The following ADARB2 variants were observed in gnomAD, a reference collection of about 807,000 sequenced individuals.
ADARB2 encodes the protein adenosine deaminase RNA specific B2 (inactive).
Under a neutral mutation model 62.2 loss-of-function variants are expected in ADARB2, and 25 were observed. The observed-to-expected ratio is 0.40, with a 90% CI of 0.29 to 0.56. The LOEUF is 0.56. Among genes scored for constraint, ADARB2 ranks in the 20% least tolerant of loss-of-function variants. ADARB2 has a pLI of 0.43. For synonymous variants in ADARB2, 572 were observed against 500.8 expected, an observed-to-expected ratio of 1.14 and a Z score of -1.90; for missense variants, 1,071 against 1,077.4, an observed-to-expected ratio of 0.99 and a Z score of 0.08.
chr10:1,568,800 C>CTCTATCTCTA (rs1832893730), intron 1 of ADARB2, among the ~76,000 whole-genome samples: 1 of 148,454 alleles, frequency 6.7e-6, no homozygotes, highest in African/African-American at 2.5e-5. Flanking sequence ...ATGTCTCTAT[C>CTCTATCTCTA]TCTATCTATC....
chr10:1,378,420 AG>A (rs1194444643), intron 2 of ADARB2, among the ~76,000 whole-genome samples: 1 of 152,232 alleles, frequency 6.6e-6, no homozygotes, highest in East Asian at 1.9e-4. Flanking sequence ...CAAAGGAAGG[AG>A]AGGAGAGAAT....
chr10:1,491,369 T>C (rs4880857), intron 1 of ADARB2, among the ~76,000 whole-genome samples: 103,967 of 152,156 alleles, frequency 0.68, 35,875 homozygotes, highest in Admixed American at 0.73. Context: ...CGTGCCTGGC[T>C]TATTATTTCT....
intron 1 of ADARB2, among the ~76,000 whole-genome samples, chr10:1,586,718 C>A: frequency 6.6e-6 from 1 of 152,220 alleles, no homozygotes; most frequent in Non-Finnish European, 1.5e-5. Context: ...GGATTCTCTG[C>A]GATTATTTAA....
At chr10:1,672,188 T>C (rs1379650023) in intron 1 of ADARB2, among the ~76,000 whole-genome samples, 2 of 152,080 alleles carry the variant, frequency 1.3e-5, no homozygotes, top group African/African-American at 4.8e-5. Flanking sequence ...TTCCTCTCTC[T>C]CTGTCTCCAC....
chr10:1,228,069 AT>A (rs1455029716), intron 6 of ADARB2, among the ~76,000 whole-genome samples: 3 of 152,228 alleles, frequency 2.0e-5, no homozygotes, highest in Non-Finnish European at 4.4e-5. Flanking sequence ...AAGGAACTGT[AT>A]TTTATATTCC....
At chr10:1,443,846 A>G (rs975636766) in intron 1 of ADARB2, among the ~76,000 whole-genome samples, 1 of 152,226 alleles carries the variant, frequency 6.6e-6, no homozygotes, top group Non-Finnish European at 1.5e-5. Context: ...GGAGAGTATT[A>G]GAAAAAAAGG....
chr10:1,580,127 T>C (rs778269361), intron 1 of ADARB2, among the ~76,000 whole-genome samples: 7 of 152,206 alleles, frequency 4.6e-5, no homozygotes, highest in Non-Finnish European at 1.0e-4. Context: ...AAAACCTTTA[T>C]CATGGTTTCA....
Position 1,318,988 on chromosome 10 carries a change from C to A in ADARB2, c.1077+44040G>T, listed in dbSNP as rs146343909. Among the ~76,000 whole-genome samples the A allele has an allele frequency of 1.5e-4, 23 of 152,294 alleles. No individual in the cohort carries two copies. In the East Asian group the frequency reaches 2.5e-3, roughly 17 times the overall value. On this transcript the variant is annotated intron_variant, in intron 3 of 9. Coordinates refer to ENST00000381312, the MANE Select transcript of ADARB2 (RefSeq NM_018702.4). ...AATTTCTGTCGTCTGCTTATAACTC[C>A]ATCCAAAATCCTGGCTGGAGATGAT...
chr10:1,596,746 G>A (rs890069093), intron 1 of ADARB2, among the ~76,000 whole-genome samples: 5 of 152,222 alleles, frequency 3.3e-5, no homozygotes, highest in African/African-American at 1.2e-4. Context: ...AAGCACCTCC[G>A]GGAAGGCCTG....
Position 1,242,176 on chromosome 10 carries a change from C to G in ADARB2, c.1316G>C (p.Arg439Pro). The G allele has an allele frequency of 6.2e-7, 1 of 1,610,732 alleles. No individual in the cohort carries two copies. The highest frequency in any genetic ancestry group is 8.5e-7 in the Non-Finnish European group (1 of 1,179,586). ...CGTGTAGAGGAAGTGCAGGAACGCC[C>G]GCCGGGCCACGACCTCCGCGTGGCA... The part of the protein sequence containing the change: ...NDCHAEVVAR[R>P]AFLHFLYTQL... The change falls in exon 5 of 10, where the codon CGG (arginine) becomes CCG (proline). Residue 439 changes from arginine to proline, a missense_variant. By Grantham distance (103) the Arg-to-Pro change is moderately radical. Coordinates refer to ENST00000381312, the MANE Select transcript of ADARB2 (RefSeq NM_018702.4).
At chr10:1,698,146 G>A (rs764494147) in intron 1 of ADARB2, among the ~76,000 whole-genome samples, 2 of 152,134 alleles carry the variant, frequency 1.3e-5, no homozygotes, top group Non-Finnish European at 1.5e-5. Context: ...CCTGTCCCAC[G>A]TACCAACATG....
At position 1,178,405 on chromosome 10, in the gene ADARB2, T is replaced by C. The variant is rs1361870720; in HGVS notation, c.*4788A>G. 1 of 148,324 alleles carries C rather than the reference T, an allele frequency of 6.7e-6. No homozygotes were observed. Among genetic ancestry groups the C allele is most frequent in the Non-Finnish European group, 1.5e-5 (1 of 68,094 alleles). The allele number at this position is 148,324 out of a possible 1,614,324, so 9.2% of individuals were successfully genotyped here. A position where few individuals can be genotyped will look rare whatever the true frequency, so the allele number is the denominator to read the frequency against. On this transcript the variant is annotated 3_prime_UTR_variant, in exon 10 of 10. Coordinates refer to ENST00000381312, the MANE Select transcript of ADARB2 (RefSeq NM_018702.4). Reference sequence around the variant, plus strand: ...CCACCGCATCTCTGGTTGGTCCCTGTGGCCTCTGCTCCTGCCTCCTCACTT... The same window carrying C: ...CCACCGCATCTCTGGTTGGTCCCTGCGGCCTCTGCTCCTGCCTCCTCACTT...
At chr10:1,518,128 C>G (rs922941570) in intron 1 of ADARB2, among the ~76,000 whole-genome samples, 2 of 152,210 alleles carry the variant, frequency 1.3e-5, no homozygotes, top group African/African-American at 4.8e-5. Context: ...GTTAGAAAAG[C>G]AAGTGCTCCA....
chr10:1,522,061 T>C (rs1832080472), intron 1 of ADARB2, among the ~76,000 whole-genome samples: 2 of 152,130 alleles, frequency 1.3e-5, no homozygotes, highest in South Asian at 4.1e-4. Flanking sequence ...CTCCACAAGA[T>C]TGTTACGAAA....
chr10:1,511,274 A>G (rs577638892), intron 1 of ADARB2, among the ~76,000 whole-genome samples: 13 of 152,374 alleles, frequency 8.5e-5, no homozygotes, highest in African/African-American at 2.9e-4. Flanking sequence ...ATTATGTATC[A>G]GAATGCCTTT....
intron 1 of ADARB2, among the ~76,000 whole-genome samples, chr10:1,568,297 G>A (rs1320573907): frequency 6.6e-6 from 1 of 152,150 alleles, no homozygotes. Flanking sequence ...AACGCTCAGC[G>A]GGGAGGCGGA....
chr10:1,367,688 A>C (rs755164871), intron 2 of ADARB2, among the ~76,000 whole-genome samples: 1 of 152,186 alleles, frequency 6.6e-6, no homozygotes, highest in African/African-American at 2.4e-5. Flanking sequence ...ACCAGATTGC[A>C]TAGAGATTTG....
chr10:1,340,084 C>T (rs982085185), intron 3 of ADARB2, among the ~76,000 whole-genome samples: 28 of 151,874 alleles, frequency 1.8e-4, no homozygotes, highest in African/African-American at 5.6e-4. Flanking sequence ...CAGAGAACCA[C>T]GTGCCCCACA....
intron 3 of ADARB2, among the ~76,000 whole-genome samples, chr10:1,351,700 G>T (rs2820617): frequency 6.6e-6 from 1 of 151,478 alleles, no homozygotes; most frequent in East Asian, 1.9e-4. Context: ...CCTAATCACC[G>T]TTACCCCACT....
Sources: allele counts gnomAD v4.1 joint callset (sites outside exome capture counted in the v4.1 genomes callset), GRCh38; gene constraint gnomAD v4.1.1; transcripts MANE v1.5; gene names NCBI Gene and HGNC (gene_info 2026-07-23, HGNC 2026-07-21).